CDKL5: variants seen among roughly 807,000 people sequenced by gnomAD.
The protein encoded by CDKL5 is cyclin-dependent kinase-like 5.
Under a neutral mutation model 61.7 loss-of-function variants are expected in CDKL5, and 8 were observed. That is an observed-to-expected ratio of 0.13 (90% CI 0.08 to 0.23). The LOEUF (loss-of-function observed/expected upper bound fraction) is 0.23, where lower values mean the gene tolerates loss of function less well. Ranked by LOEUF, CDKL5 falls within the 10% of genes least tolerant of loss-of-function variation. The pLI is 1.00. For missense variants in CDKL5, 440 were observed against 734.5 expected, an observed-to-expected ratio of 0.60 and a Z score of 4.63; for synonymous variants, 275 against 272.3, an observed-to-expected ratio of 1.01 and a Z score of -0.10.
At chrX:18,435,906 T>C (rs1413255529) in intron 1 of CDKL5, among the ~76,000 whole-genome samples, 1 of 111,116 alleles carries the variant, frequency 9.0e-6, no homozygotes, top group African/African-American at 3.3e-5. Context: ...CAGAACACTA[T>C]GGGAGTGTAC....
intron 3 of CDKL5, among the ~76,000 whole-genome samples, chrX:18,552,015 G>T (rs1055649341): frequency 1.8e-5 from 2 of 109,578 alleles, no homozygotes; most frequent in African/African-American, 6.6e-5. Context: ...CGAGGCGGGT[G>T]GATCACAAGG....
chrX:18,446,041 T>G (rs1931868157), intron 1 of CDKL5, among the ~76,000 whole-genome samples: 1 of 109,721 alleles, frequency 9.1e-6, no homozygotes, highest in African/African-American at 3.3e-5. Flanking sequence ...TCCTGACTGT[T>G]GATCAGGAAG....
rs1395306003 is a variant in CDKL5, at chrX:18,634,046, GC to G, written c.*5292del. 1.3e-6 allele frequency: 1 copy of G among 752,263 alleles called. No individual in the cohort carries two copies. The highest frequency in any genetic ancestry group is 2.3e-5 in the African/African-American group (1 of 43,102). The allele number at this position is 752,263 out of a possible 1,213,427, so 62.0% of individuals were successfully genotyped here. A position where few individuals can be genotyped will look rare whatever the true frequency, so the allele number is the denominator to read the frequency against. On this transcript the variant is annotated 3_prime_UTR_variant, in exon 18 of 18. Transcript: ENST00000623535. Reference sequence around the variant, plus strand: ...CAGTGAAACTAGTTTCACTTCTAAAGCCCTTCATTTCCCACAAGGTTAAGCT... The same window carrying G: ...CAGTGAAACTAGTTTCACTTCTAAAGCCTTCATTTCCCACAAGGTTAAGCT...
intron 3 of CDKL5, among the ~76,000 whole-genome samples, chrX:18,521,476 A>G (rs986525517): frequency 2.7e-5 from 3 of 111,122 alleles, no homozygotes; most frequent in African/African-American, 9.8e-5. Context: ...TTAATGGTAC[A>G]GTAGTATAGT....
In CDKL5 at chrX:18,536,832, C is replaced by A. The variant is rs755033794; in HGVS notation, c.99+25978C>A. Among the ~76,000 whole-genome samples the A allele has an allele frequency of 7.2e-5, 8 of 111,156 alleles. No individual in the cohort carries two copies. The South Asian group carries it at 3.1e-3, about 43-fold the overall frequency. On this transcript the variant is annotated intron_variant, in intron 3 of 17. Transcript: ENST00000623535. ...ATCTTTCCTAGACTTTTAAACTCTT[C>A]ATTGGCACATCTTCATTTAAGCAAA...
intron 15 of CDKL5, among the ~76,000 whole-genome samples, chrX:18,613,513 C>T (rs1926629401): frequency 1.8e-5 from 2 of 111,899 alleles, no homozygotes; most frequent in African/African-American, 6.5e-5. Context: ...ATACCTGATA[C>T]GCTTTCCACT....
intron 5 of CDKL5, among the ~76,000 whole-genome samples, chrX:18,578,192 A>G (rs1213887155): frequency 8.9e-6 from 1 of 112,542 alleles, no homozygotes; most frequent in Non-Finnish European, 1.9e-5. Flanking sequence ...GTTGTCTCAC[A>G]TTTGATTAGA....
At chrX:18,514,810 G>T (rs1178842698) in intron 3 of CDKL5, among the ~76,000 whole-genome samples, 9 of 109,378 alleles carry the variant, frequency 8.2e-5, no homozygotes, top group East Asian at 2.9e-4. Flanking sequence ...TTGTTTTTTG[G>T]TTTTTTTTGT....
rs746055972 is a variant in CDKL5, at chrX:18,639,909, A to G, written c.*11152A>G. On this transcript the variant is annotated 3_prime_UTR_variant, in exon 18 of 18. Transcript: ENST00000623535. ...CTAAGTGAAAGAAGCCAGTCACGAA[A>G]TACCACATACTATATGATTTCATTT... is the stretch of plus-strand genomic sequence containing the variant. 2 of 111,999 alleles carry G rather than the reference A, an allele frequency of 1.8e-5. No homozygotes were observed. Among genetic ancestry groups the G allele is most frequent in the South Asian group, 7.5e-4 (2 of 2,663 alleles). The allele number at this position is 111,999 out of a possible 1,213,427, so 9.2% of individuals were successfully genotyped here.
chrX:18,606,174 T>TCACACACACA lies in CDKL5; in HGVS notation c.1944+1333_1944+1342dup, dbSNP rs528800542. On this transcript the variant is annotated intron_variant, in intron 12 of 17. Transcript: ENST00000623535. ...TCAGCCTGGTGACAGAGCAAGACTG[T>TCACACACACA]CACACACACACACACACACACACAC... is the stretch of plus-strand genomic sequence containing the variant. 3.6e-3 allele frequency among the ~76,000 whole-genome samples: 345 copies of TCACACACACA among 96,890 alleles called. 3 individuals carry two copies. Among genetic ancestry groups the TCACACACACA allele is most frequent in the African/African-American group, 0.012 (307 of 26,416 alleles). 84.1% of individuals were successfully genotyped at this position (96,890 alleles called of 115,157 possible). A position where few individuals can be genotyped will look rare whatever the true frequency, so the allele number is the denominator to read the frequency against.
At chrX:18,580,347 T>A (rs774918982) in intron 6 of CDKL5, among the ~76,000 whole-genome samples, 23 of 111,635 alleles carry the variant, frequency 2.1e-4, no homozygotes, top group Non-Finnish European at 9.4e-5. Context: ...GTAGACCAGG[T>A]AATGTGAAAC....
chrX:18,479,829 TATCA>T (rs1019401000), intron 1 of CDKL5, among the ~76,000 whole-genome samples: 3 of 111,849 alleles, frequency 2.7e-5, no homozygotes, highest in Non-Finnish European at 3.8e-5. Context: ...GCATAATCTC[TATCA>T]ATCAGTCTTC....
intron 8 of CDKL5, among the ~76,000 whole-genome samples, chrX:18,585,806 G>A (rs996427822): frequency 9.0e-6 from 1 of 111,665 alleles, no homozygotes; most frequent in African/African-American, 3.3e-5. Flanking sequence ...TGACAAGTGC[G>A]CAAATTGTAG....
At chrX:18,451,940 A>G (rs1316347425) in intron 1 of CDKL5, among the ~76,000 whole-genome samples, 1 of 112,359 alleles carries the variant, frequency 8.9e-6, no homozygotes, top group Non-Finnish European at 1.9e-5. Flanking sequence ...TGTTTTATAC[A>G]TAATAAAAAG....
chrX:18,584,205 C>G (rs747510374), intron 7 of CDKL5, 58 bp from the exon 8 acceptor site: 4 of 762,041 alleles, frequency 5.2e-6, no homozygotes, highest in Non-Finnish European at 8.2e-6. Context: ...AATATTTTGC[C>G]CACATGAATT....
intron 1 of CDKL5, among the ~76,000 whole-genome samples, chrX:18,427,779 G>C (rs924800590): frequency 1.2e-4 from 13 of 111,073 alleles, no homozygotes; most frequent in African/African-American, 4.3e-4. Flanking sequence ...TCCTGGCTCA[G>C]TCTTAAAATT....
intron 15 of CDKL5, among the ~76,000 whole-genome samples, 155 bp downstream of exon 15, chrX:18,613,430 T>C: frequency 8.9e-6 from 1 of 112,082 alleles, no homozygotes; most frequent in East Asian, 2.8e-4. Context: ...TTTTTCATTA[T>C]TGGTAACTTT....
At chrX:18,503,697 T>G (rs955022545) in intron 1 of CDKL5, among the ~76,000 whole-genome samples, 13 of 112,279 alleles carry the variant, frequency 1.2e-4, no homozygotes, top group African/African-American at 4.2e-4. Flanking sequence ...ATTCATTTAT[T>G]GTTTCTTATT....
At position 18,602,208 on chromosome X, in the gene CDKL5, C is replaced by T. The variant is rs1183420417; in HGVS notation, c.978-1694C>T. ...GGTTCCTGAGGCCCAGGGCCGGGCT[C>T]ATGGGGGTGGAGGACGGATTGGAGG... On this transcript the variant is annotated intron_variant, in intron 11 of 17. Coordinates refer to ENST00000623535, the MANE Select transcript of CDKL5 (RefSeq NM_001323289.2). Among the ~76,000 whole-genome samples, 4 of 112,122 alleles carry T rather than the reference C, an allele frequency of 3.6e-5. No individual in the cohort carries two copies. The East Asian group carries it at 8.4e-4, about 24-fold the overall frequency.
Sources: gnomAD v4.1 joint callset for allele counts (sites outside exome capture counted in the v4.1 genomes callset) on GRCh38, gnomAD v4.1.1 for gene constraint, MANE v1.5 for transcripts, NCBI Gene and HGNC (gene_info 2026-07-23, HGNC 2026-07-21) for gene names.